NOTCH1: variants seen among roughly 807,000 people sequenced by gnomAD.
The protein encoded by NOTCH1 is notch receptor 1, also known as neurogenic locus notch homolog protein 1.
In NOTCH1, 37 loss-of-function variants were observed where a neutral mutation model predicts 254.8. The ratio of observed to expected loss-of-function variants is 0.15; its 90% confidence interval spans 0.11 to 0.19. The LOEUF is 0.19. Ranked by LOEUF, NOTCH1 falls within the 10% of genes least tolerant of loss-of-function variation. The probability of loss-of-function intolerance (pLI) is 1.00; values close to 1 mark genes in which losing one functional copy is unlikely to be tolerated. For synonymous variants in NOTCH1, 1,731 were observed against 1,618.1 expected, an observed-to-expected ratio of 1.07 and a Z score of -1.68; for missense variants, 2,972 against 3,708.6, an observed-to-expected ratio of 0.80 and a Z score of 5.16.
At position 136,507,436 on chromosome 9, in the gene NOTCH1, C is replaced by T. The variant is rs2133345373; in HGVS notation, c.3512G>A (p.Cys1171Tyr). The T allele has an allele frequency of 6.2e-7, 1 of 1,604,352 alleles. No homozygotes were observed. Among genetic ancestry groups the T allele is most frequent in the Non-Finnish European group, 8.5e-7 (1 of 1,176,458 alleles). Residue 1171 changes from cysteine to tyrosine, a missense_variant and splice_region_variant, in exon 22 of 34, where the codon TGC (cysteine) becomes TAC (tyrosine). Cys to Tyr is a radical substitution (Grantham distance 194, BLOSUM62 -2). Coordinates refer to ENST00000651671, the MANE Select transcript of NOTCH1 (RefSeq NM_017617.5). ...TDYLGGYSCK[C>Y]VAGYHGVNCS... is the part of the protein sequence containing the mutation. ...GTTCACCCCGTGGTAGCCGGCCACG[C>T]ACTGTGCAGGCGACAGAACGAGGGG... is the stretch of plus-strand genomic sequence containing the variant.
At chr9:136,530,990 G>A (rs1217839543) in intron 2 of NOTCH1, among the ~76,000 whole-genome samples, 1 of 152,246 alleles carries the variant, frequency 6.6e-6, no homozygotes, top group African/African-American at 2.4e-5. Context: ...CCTGTCGCTG[G>A]GGGTGGCAGG....
intron 2 of NOTCH1, among the ~76,000 whole-genome samples, chr9:136,532,555 C>T (rs972028399): frequency 5.9e-5 from 9 of 152,274 alleles, no homozygotes; most frequent in Non-Finnish European, 7.4e-5. Context: ...GACACATCCC[C>T]GGGGGAGCCG....
chr9:136,514,042 G>A (rs993045109), intron 13 of NOTCH1, among the ~76,000 whole-genome samples: 1 of 152,162 alleles, frequency 6.6e-6, no homozygotes, highest in African/African-American at 2.4e-5. Flanking sequence ...CATTAGCGAG[G>A]GGACCATGCC....
chr9:136,498,757 G>A (rs763403238), intron 33 of NOTCH1, 142 bp downstream of exon 33: 13 of 913,028 alleles, frequency 1.4e-5, no homozygotes, highest in South Asian at 4.0e-5. Context: ...CGCATCATGC[G>A]GGTGGGGCCC....
intron 1 of NOTCH1, 82 bp from the exon 2 acceptor site, chr9:136,544,184 C>T (rs1338050288): frequency 1.5e-6 from 2 of 1,300,838 alleles, no homozygotes; most frequent in Non-Finnish European, 2.2e-6. Context: ...GGGCGGGGAC[C>T]TGCACCCAGC....
At position 136,495,957 on chromosome 9, in the gene NOTCH1, G is replaced by T. The variant is rs1366164517; in HGVS notation, c.*114C>A. The T allele has an allele frequency of 2.7e-6, 3 of 1,104,868 alleles. No individual in the cohort carries two copies. Among genetic ancestry groups the T allele is most frequent in the Non-Finnish European group, 3.8e-6 (3 of 788,636 alleles). The allele number at this position is 1,104,868 out of a possible 1,614,324, so 68.4% of individuals were successfully genotyped here. On this transcript the variant is annotated 3_prime_UTR_variant, in exon 34 of 34. Transcript: ENST00000651671. ...AAATTAAAATCCTCGTTCTTATTTTGTATAAAAACATGTGTTTTAAAAAGG... is the reference window on the plus strand; with the variant it reads ...AAATTAAAATCCTCGTTCTTATTTTTTATAAAAACATGTGTTTTAAAAAGG...
intron 21 of NOTCH1, 65 bp from the exon 22 acceptor site, chr9:136,507,502 C>A: frequency 6.4e-7 from 1 of 1,553,048 alleles, no homozygotes; most frequent in African/African-American, 1.4e-5. Flanking sequence ...TGCTCCCACA[C>A]CCCACTGTGA....
At position 136,508,513 on chromosome 9, in the gene NOTCH1, C is replaced by T. The variant is rs535547028; in HGVS notation, c.3172-128G>A. On this transcript the variant is annotated intron_variant, in intron 19 of 33. Transcript: ENST00000651671. ...CCCATTCTACAGAAGTGGAAACTGC[C>T]GCCCCTGGACTCCCCACCACCCCCA... 28 of 1,313,854 alleles carry T rather than the reference C, an allele frequency of 2.1e-5. No homozygotes were observed. The East Asian group carries it at 3.1e-4, about 14-fold the overall frequency. 81.4% of individuals were successfully genotyped at this position (1,313,854 alleles called of 1,614,324 possible).
chr9:136,513,003 G>T lies in NOTCH1; in HGVS notation c.2467+18C>A. 1 of 1,129,768 alleles carries T rather than the reference G, an allele frequency of 8.9e-7. No homozygotes were observed. The highest frequency in any genetic ancestry group is 1.3e-6 in the Non-Finnish European group (1 of 795,716). The allele number at this position is 1,129,768 out of a possible 1,614,324, so 70.0% of individuals were successfully genotyped here. A position where few individuals can be genotyped will look rare whatever the true frequency, so the allele number is the denominator to read the frequency against. ...ATAGGCCCCGCCCCCTCCAGCACAG[G>T]CCCCACCCACCCCTCACCTGTGTAG... On this transcript the variant is annotated intron_variant, in intron 15 of 33. Coordinates refer to ENST00000651671, the MANE Select transcript of NOTCH1 (RefSeq NM_017617.5). The surrounding 1 kb of genome is among the most constrained non-coding windows in gnomAD (Gnocchi z 4.7).
At position 136,508,123 on chromosome 9, in the gene NOTCH1, G is replaced by A. The variant is rs758126675; in HGVS notation, c.3342C>T (p.Arg1114=). The change falls in exon 21 of 34, where the codon CGC becomes CGT. Residue 1114 remains arginine (R), a synonymous_variant. Coordinates refer to ENST00000651671, the MANE Select transcript of NOTCH1 (RefSeq NM_017617.5). The part of the protein sequence containing the change: ...AAQRQGVDVA[R]LCQHGGLCVD... ...CACAGAGCCCTCCATGCTGGCACAG[G>A]CGGGCAACGTCAACACCTGCGGGGG... The A allele has an allele frequency of 1.9e-6, 3 of 1,608,146 alleles. No individual in the cohort carries two copies. The highest frequency in any genetic ancestry group is 1.3e-5 in the African/African-American group (1 of 74,912).
At chr9:136,530,257 TCCC>T (rs1843538902) in intron 2 of NOTCH1, among the ~76,000 whole-genome samples, 1 of 152,154 alleles carries the variant, frequency 6.6e-6, no homozygotes, top group Non-Finnish European at 1.5e-5. Context: ...GCAAATCTTT[TCCC>T]CCAGTTGCAT....
At chr9:136,511,081 G>A in intron 16 of NOTCH1, 71 bp downstream of exon 16, 2 of 1,608,290 alleles carry the variant, frequency 1.2e-6, no homozygotes, top group South Asian at 1.1e-5. Context: ...TAGCCTGCCT[G>A]GGAGCTGCCT....
chr9:136,514,408 G>T, intron 13 of NOTCH1, 102 bp downstream of exon 13: 1 of 1,334,032 alleles, frequency 7.5e-7, no homozygotes, highest in Non-Finnish European at 1.0e-6. Flanking sequence ...TCCGAGGCCC[G>T]TTTCTGGCCC....
chr9:136,505,719 C>G lies in NOTCH1; in HGVS notation c.4177G>C (p.Gly1393Arg). The G allele has an allele frequency of 6.3e-7, 1 of 1,599,286 alleles. No individual in the cohort carries two copies. Among genetic ancestry groups the G allele is most frequent in the Non-Finnish European group, 8.5e-7 (1 of 1,171,170 alleles). ...CCCTGGTTGTAGCAGGGGTTGCCGC[C>G]CAGGCAGGGGCTGCTGGCCGGGAAC... ...CQFPASSPCL[G>R]GNPCYNQGTC... The change falls in exon 25 of 34, where the codon GGC becomes CGC. Residue 1393 changes from glycine (G) to arginine (R), a missense_variant. By Grantham distance (125) the Gly-to-Arg change is moderately radical (BLOSUM62 -2). Coordinates refer to ENST00000651671, the MANE Select transcript of NOTCH1 (RefSeq NM_017617.5).
rs766331471 is a variant in NOTCH1, at chr9:136,509,957, C to G, written c.2745G>C (p.Pro915=). The change falls in exon 18 of 34, where the codon CCG becomes CCC. Residue 915 remains proline (P), a synonymous_variant. Coordinates refer to ENST00000651671, the MANE Select transcript of NOTCH1 (RefSeq NM_017617.5). The part of the protein sequence containing the change: ...ETDIDDCRPN[P]CHNGGSCTDG... Reference sequence around the variant, plus strand: ...CTGTGCAGGAGCCCCCGTTGTGACACGGGTCTGGGAGAGGACGGAAGGGTG... The same window carrying G: ...CTGTGCAGGAGCCCCCGTTGTGACAGGGGTCTGGGAGAGGACGGAAGGGTG... 3 of 1,612,978 alleles carry G rather than the reference C, an allele frequency of 1.9e-6. No homozygotes were observed. The South Asian group carries it at 3.3e-5, about 18-fold the overall frequency.
intron 2 of NOTCH1, among the ~76,000 whole-genome samples, chr9:136,534,862 G>C (rs1459736377): frequency 9.4e-5 from 2 of 21,308 alleles, no homozygotes; most frequent in African/African-American, 2.1e-4. Flanking sequence ...TCCCCACAGA[G>C]CCCCCAGTCC....
At chr9:136,524,421 C>A (rs1291337390) in intron 2 of NOTCH1, among the ~76,000 whole-genome samples, 1 of 152,188 alleles carries the variant, frequency 6.6e-6, no homozygotes, top group Admixed American at 6.5e-5. Flanking sequence ...GGTCTACACC[C>A]GCGGAGAGCC....
chr9:136,513,166 C>T lies in NOTCH1; in HGVS notation c.2354-32G>A. 1.3e-6 allele frequency: 2 copies of T among 1,570,768 alleles called. No individual in the cohort carries two copies. Among genetic ancestry groups the T allele is most frequent in the African/African-American group, 1.3e-5 (1 of 74,104 alleles). On this transcript the variant is annotated intron_variant, in intron 14 of 33. Coordinates refer to ENST00000651671, the MANE Select transcript of NOTCH1 (RefSeq NM_017617.5). The surrounding 1 kb of genome is among the most constrained non-coding windows in gnomAD (Gnocchi z 4.7). ...GGAAGGGGACAGCACTCGGCATGTC[C>T]AGCACTCCCAGGCACCTTGGCAGGG...
chr9:136,530,274 C>A (rs531593153), intron 2 of NOTCH1, among the ~76,000 whole-genome samples: 1 of 152,352 alleles, frequency 6.6e-6, no homozygotes, highest in East Asian at 1.9e-4. Flanking sequence ...GTTGCATCCT[C>A]GGATGGTTTA....
Sources: gnomAD v4.1 joint callset for allele counts (sites outside exome capture counted in the v4.1 genomes callset) on GRCh38, gnomAD v4.1.1 for gene constraint, Gnocchi (gnomAD v3.1) non-coding constraint, MANE v1.5 for transcripts, NCBI Gene and HGNC (gene_info 2026-07-23, HGNC 2026-07-21) for gene names.